SLC4A4: variants seen among roughly 807,000 people sequenced by gnomAD.
The protein encoded by SLC4A4 is solute carrier family 4 member 4.
Under a neutral mutation model 111.5 loss-of-function variants are expected in SLC4A4, and 27 were observed. The observed-to-expected ratio is 0.24, with a 90% confidence interval of 0.18 to 0.33. The LOEUF is 0.33. SLC4A4 is among the 10% of genes least tolerant of loss of function. SLC4A4 has a pLI of 1.00. For synonymous variants in SLC4A4, 443 were observed against 463.4 expected, an observed-to-expected ratio of 0.96 and a Z score of 0.57; for missense variants, 909 against 1,315.5, an observed-to-expected ratio of 0.69 and a Z score of 4.78.
At chr4:71,374,586 T>C (rs1732176847) in intron 6 of SLC4A4, among the ~76,000 whole-genome samples, 1 of 152,184 alleles carries the variant, frequency 6.6e-6, no homozygotes, top group Non-Finnish European at 1.5e-5. Context: ...CATAAATTAT[T>C]TCCTTGATAT....
intron 7 of SLC4A4, among the ~76,000 whole-genome samples, chr4:71,433,878 A>T (rs544005884): frequency 2.0e-5 from 3 of 152,234 alleles, no homozygotes; most frequent in East Asian, 3.9e-4. Flanking sequence ...TGGTATATTT[A>T]TACAGTGAAG....
chr4:71,434,693 C>T (rs1723958352), intron 7 of SLC4A4: 1 of 152,148 alleles, frequency 6.6e-6, no homozygotes, highest in Admixed American at 6.6e-5. Flanking sequence ...GCCCAAATCT[C>T]CTCAAGCTGA....
At chr4:71,398,262 G>A (rs1221510661) in intron 7 of SLC4A4, among the ~76,000 whole-genome samples, 2 of 148,626 alleles carry the variant, frequency 1.3e-5, no homozygotes, top group Non-Finnish European at 3.0e-5. Flanking sequence ...TCCAACCTCA[G>A]TGACAGAGCG....
At chr4:71,435,786 G>T (rs1387660782) in intron 7 of SLC4A4, among the ~76,000 whole-genome samples, 1 of 152,206 alleles carries the variant, frequency 6.6e-6, no homozygotes, top group Non-Finnish European at 1.5e-5. Flanking sequence ...AGACATTTAT[G>T]CGGCCAACAA....
chr4:71,373,923 T>TA (rs1732109220), intron 6 of SLC4A4, among the ~76,000 whole-genome samples: 1 of 152,134 alleles, frequency 6.6e-6, no homozygotes, highest in Non-Finnish European at 1.5e-5. Flanking sequence ...AGGAAGATCA[T>TA]AGGAAACCAT....
At chr4:71,508,801 C>A (rs1331632561) in intron 16 of SLC4A4, among the ~76,000 whole-genome samples, 1 of 152,088 alleles carries the variant, frequency 6.6e-6, no homozygotes, top group Non-Finnish European at 1.5e-5. Context: ...AGAGATACAA[C>A]AAAAAATGAG....
At chr4:71,419,034 T>C (rs1188873124) in intron 7 of SLC4A4, among the ~76,000 whole-genome samples, 2 of 152,174 alleles carry the variant, frequency 1.3e-5, no homozygotes, top group East Asian at 3.9e-4. Flanking sequence ...AATGCAGCTG[T>C]CTGATCATTC....
chr4:71,167,521 C>A (rs1241351812), intron 2 of SLC4A4, among the ~76,000 whole-genome samples: 1 of 151,962 alleles, frequency 6.6e-6, no homozygotes, highest in Non-Finnish European at 1.5e-5. Context: ...GTTAGGGAGA[C>A]CCTCTTTGGG....
intron 2 of SLC4A4, among the ~76,000 whole-genome samples, chr4:71,157,612 T>G (rs1018336920): frequency 6.6e-6 from 1 of 152,212 alleles, no homozygotes; most frequent in African/African-American, 2.4e-5. Flanking sequence ...TTAGGAAATT[T>G]GAAAGGACAT....
intron 1 of SLC4A4, among the ~76,000 whole-genome samples, chr4:71,218,587 C>T (rs1488252860): frequency 2.0e-5 from 3 of 152,072 alleles, no homozygotes; most frequent in Non-Finnish European, 4.4e-5. Flanking sequence ...GTACTATTAG[C>T]ACTATAATAT....
At chr4:71,313,192 A>AGG (rs1175460608) in intron 3 of SLC4A4, among the ~76,000 whole-genome samples, 4 of 152,220 alleles carry the variant, frequency 2.6e-5, no homozygotes, top group African/African-American at 9.7e-5. Context: ...CTACAAAGAG[A>AGG]ATAAAATACC....
chr4:71,514,614 A>G (rs764038523), intron 16 of SLC4A4, among the ~76,000 whole-genome samples: 13 of 152,186 alleles, frequency 8.5e-5, no homozygotes, highest in Admixed American at 4.6e-4. Context: ...CAGTGAATCT[A>G]TCTAGTCCTG....
chr4:71,134,718 C>T (rs1331893590), intron 2 of SLC4A4, among the ~76,000 whole-genome samples: 2 of 152,184 alleles, frequency 1.3e-5, no homozygotes. Flanking sequence ...TGAGCTTTGG[C>T]AATTGCTCAT....
intron 6 of SLC4A4, among the ~76,000 whole-genome samples, chr4:71,361,413 G>A (rs888401763): frequency 6.6e-6 from 1 of 152,084 alleles, no homozygotes; most frequent in Admixed American, 6.6e-5. Context: ...GGAACAGTGA[G>A]GCAAGCTTTC....
intron 20 of SLC4A4, among the ~76,000 whole-genome samples, chr4:71,552,418 G>A (rs77726616): frequency 6.6e-6 from 1 of 151,576 alleles, no homozygotes; most frequent in Non-Finnish European, 1.5e-5. Flanking sequence ...CTGCTAGAAG[G>A]TCTCACTGCT....
intron 1 of SLC4A4, among the ~76,000 whole-genome samples, chr4:71,230,973 A>T (rs566555430): frequency 6.6e-6 from 1 of 152,234 alleles, no homozygotes; most frequent in South Asian, 2.1e-4. Flanking sequence ...TTGCTACTGC[A>T]TCCTTTGGCA....
Position 71,345,746 on chromosome 4 carries a change from T to C in SLC4A4, c.390-4166T>C, listed in dbSNP as rs559285005. ...ACTGACTTCTCTGTCTTTTCTCTAC[T>C]GAATTACTTTGGGAAATTCTATTTC... On this transcript the variant is annotated intron_variant, in intron 4 of 25. Coordinates refer to ENST00000264485, the MANE Select transcript of SLC4A4 (RefSeq NM_001098484.3). Among the ~76,000 whole-genome samples, 27 of 152,286 alleles carry C rather than the reference T, an allele frequency of 1.8e-4. No individual in the cohort carries two copies. The East Asian group carries it at 5.0e-3, about 28-fold the overall frequency.
chr4:71,516,262 A>AT (rs1333253897), intron 16 of SLC4A4, among the ~76,000 whole-genome samples: 7 of 150,080 alleles, frequency 4.7e-5, no homozygotes, highest in Non-Finnish European at 7.4e-5. Context: ...CGCCCGGCTA[A>AT]TTTTTTTTGT....
chr4:71,381,020 C>A (rs145628256), intron 6 of SLC4A4, among the ~76,000 whole-genome samples: 1 of 152,128 alleles, frequency 6.6e-6, no homozygotes, highest in Non-Finnish European at 1.5e-5. Flanking sequence ...TCTTATCAAT[C>A]CCAGGAAACA....
Sources: gnomAD v4.1 joint callset for allele counts (sites outside exome capture counted in the v4.1 genomes callset) on GRCh38, gnomAD v4.1.1 for gene constraint, MANE v1.5 for transcripts, NCBI Gene and HGNC (gene_info 2026-07-23, HGNC 2026-07-21) for gene names.